PCDHA6: variants seen among roughly 807,000 people sequenced by gnomAD.
PCDHA6 encodes the protein protocadherin alpha 6.
PCDHA6 carries 55 observed loss-of-function variants against 60.3 expected under a neutral mutation model. The ratio of observed to expected loss-of-function variants is 0.91; its 90% CI spans 0.73 to 1.14. The LOEUF (loss-of-function observed/expected upper bound fraction) is 1.14. Ranked by LOEUF, PCDHA6 falls within the 50% of genes most tolerant of loss-of-function variation. The pLI is 0.00. For synonymous variants in PCDHA6, 652 were observed against 557.9 expected, an observed-to-expected ratio of 1.17 and a Z score of -2.38; for missense variants, 1,327 against 1,256.5, an observed-to-expected ratio of 1.06 and a Z score of -0.85.
At chr5:140,884,293 G>A in intron 1 of PCDHA6, 2 of 1,613,666 alleles carry the variant, frequency 1.2e-6, no homozygotes, top group Non-Finnish European at 1.7e-6. Flanking sequence ...GCGGCCAAGC[G>A]CCACAGGCTT....
intron 3 of PCDHA6, among the ~76,000 whole-genome samples, chr5:140,991,361 G>C (rs1183124741): frequency 6.6e-6 from 1 of 152,200 alleles, no homozygotes; most frequent in Non-Finnish European, 1.5e-5. Context: ...ACTATTTACT[G>C]TCTGAGTTCT....
intron 1 of PCDHA6, chr5:140,855,863 C>T (rs1435848910): frequency 2.6e-6 from 2 of 763,574 alleles, no homozygotes; most frequent in East Asian, 2.7e-5. Context: ...ATGTCGCTGT[C>T]GTCCACAAAA....
chr5:140,989,722 A>C (rs1472933877), intron 3 of PCDHA6, among the ~76,000 whole-genome samples: 1 of 152,224 alleles, frequency 6.6e-6, no homozygotes, highest in African/African-American at 2.4e-5. Context: ...TCAGCTTTGC[A>C]GTTGAAAAGG....
intron 1 of PCDHA6, among the ~76,000 whole-genome samples, chr5:140,972,712 G>T (rs1409880262): frequency 6.9e-6 from 1 of 144,630 alleles, no homozygotes; most frequent in East Asian, 2.0e-4. Context: ...TTGCCAGGCT[G>T]GAGTGCAGTG....
chr5:140,974,182 A>G (rs2096618692), intron 1 of PCDHA6, among the ~76,000 whole-genome samples: 1 of 152,248 alleles, frequency 6.6e-6, no homozygotes, highest in Non-Finnish European at 1.5e-5. Context: ...AACTTGACAA[A>G]TGCAAAGGAA....
intron 1 of PCDHA6, among the ~76,000 whole-genome samples, chr5:140,840,971 G>A (rs1237845348): frequency 6.6e-6 from 1 of 152,000 alleles, no homozygotes; most frequent in African/African-American, 2.4e-5. Flanking sequence ...TCCTTATGAA[G>A]AAGAAATCCC....
At chr5:140,958,867 T>C (rs1312043891) in intron 1 of PCDHA6, among the ~76,000 whole-genome samples, 1 of 152,146 alleles carries the variant, frequency 6.6e-6, no homozygotes, top group Non-Finnish European at 1.5e-5. Context: ...ACTGGGTTTA[T>C]AAAAGAATTG....
At chr5:140,833,622 A>T (rs2150209848) in intron 1 of PCDHA6, among the ~76,000 whole-genome samples, 1 of 152,190 alleles carries the variant, frequency 6.6e-6, no homozygotes, top group East Asian at 1.9e-4. Context: ...AATTCAGAAT[A>T]CTTCCTCCTC....
intron 1 of PCDHA6, among the ~76,000 whole-genome samples, chr5:140,933,506 G>A (rs2089196836): frequency 6.6e-6 from 1 of 151,944 alleles, no homozygotes; most frequent in Non-Finnish European, 1.5e-5. Flanking sequence ...GTTAAGCAAA[G>A]ACTACAGCTG....
At position 140,876,392 on chromosome 5, in the gene PCDHA6, A is replaced by C. The variant is rs373053230; in HGVS notation, c.2394+45907A>C. ...ACAGGTGAAATTAGAATTTATGGTG[A>C]ACTGGATTTTGAAGAGAATAATGCC... On this transcript the variant is annotated intron_variant, in intron 1 of 3. Transcript: ENST00000529310. 1.2e-4 allele frequency: 194 copies of C among 1,613,822 alleles called. No individual in the cohort carries two copies. The highest frequency in any genetic ancestry group is 1.6e-4 in the Non-Finnish European group (184 of 1,179,914).
chr5:140,894,790 T>G lies in PCDHA6; in HGVS notation c.2394+64305T>G, dbSNP rs943284227. On this transcript the variant is annotated intron_variant, in intron 1 of 3. Coordinates refer to ENST00000529310, the MANE Select transcript of PCDHA6 (RefSeq NM_018909.4). ...TCCTTTAGTGTAATTATTTGTCCTC[T>G]CCTTTAAAAATAATTTTATATCAGA... Among the ~76,000 whole-genome samples, 13 of 152,282 alleles carry G rather than the reference T, an allele frequency of 8.5e-5. No individual in the cohort carries two copies. The South Asian group carries it at 2.5e-3, about 29-fold the overall frequency.
chr5:140,870,537 G>C (rs575452776), intron 1 of PCDHA6: 1 of 1,614,172 alleles, frequency 6.2e-7, no homozygotes, highest in Non-Finnish European at 8.5e-7. Context: ...CAGTGTCGGC[G>C]CGGGACGCGG....
In PCDHA6 at chr5:140,829,826, G is replaced by C. The variant is rs2150175496; in HGVS notation, c.1735G>C (p.Glu579Gln). 2 of 1,613,796 alleles carry C rather than the reference G, an allele frequency of 1.2e-6. No individual in the cohort carries two copies. Among genetic ancestry groups the C allele is most frequent in the East Asian group, 4.5e-5 (2 of 44,884 alleles). ...GGGTGGTACTGGTGGTGCAGTGAGC[G>C]AGCTGGTGCCGCGGTCACTGGGTGC... ...RVGGTGGAVS[E>Q]LVPRSLGAGQ... Residue 579 changes from glutamate (E) to glutamine (Q), a missense_variant, in exon 1 of 4, where the codon GAG becomes CAG. By Grantham distance (29) the Glu-to-Gln change is conservative. Transcript: ENST00000529310.
Position 140,829,804 on chromosome 5 carries a change from T to A in PCDHA6, c.1713T>A (p.Gly571=), listed in dbSNP as rs2150175080. The change falls in exon 1 of 4, where the codon GGT becomes GGA. Residue 571 remains glycine (G), a synonymous_variant. Coordinates refer to ENST00000529310, the MANE Select transcript of PCDHA6 (RefSeq NM_018909.4). The part of the protein sequence containing the change: ...NAPALLAPRV[G]GTGGAVSELV... ...CGGCGCTGCTGGCGCCTCGGGTGGGTGGTACTGGTGGTGCAGTGAGCGAGC... is the reference window on the plus strand; with the variant it reads ...CGGCGCTGCTGGCGCCTCGGGTGGGAGGTACTGGTGGTGCAGTGAGCGAGC... The A allele has an allele frequency of 1.2e-6, 2 of 1,613,624 alleles. No individual in the cohort carries two copies. The highest frequency in any genetic ancestry group is 2.7e-5 in the African/African-American group (2 of 74,980).
At chr5:140,964,417 C>T (rs1279243450) in intron 1 of PCDHA6, among the ~76,000 whole-genome samples, 15 of 152,088 alleles carry the variant, frequency 9.9e-5, no homozygotes, top group Admixed American at 9.8e-4. Context: ...TGGGGGCTTC[C>T]ATTAAAAAAT....
At chr5:140,942,527 AACTC>A (rs1420689882) in intron 1 of PCDHA6, among the ~76,000 whole-genome samples, 2 of 152,162 alleles carry the variant, frequency 1.3e-5, no homozygotes, top group Non-Finnish European at 2.9e-5. Flanking sequence ...GGAAGCAACT[AACTC>A]AGTATGGTGG....
intron 1 of PCDHA6, among the ~76,000 whole-genome samples, chr5:140,909,031 A>G (rs782567758): frequency 7.9e-5 from 12 of 152,106 alleles, no homozygotes; most frequent in Non-Finnish European, 1.6e-4. Flanking sequence ...TTAGTCATTT[A>G]TTTTCCATAC....
chr5:140,851,794 T>C (rs2042159593), intron 1 of PCDHA6: 2 of 954,372 alleles, frequency 2.1e-6, no homozygotes. Flanking sequence ...ATTCACTTGT[T>C]CTGTCAGTAA....
In PCDHA6 at chr5:140,967,672, C is replaced by G. The variant is rs781956405; in HGVS notation, c.2395-11277C>G. 36 of 1,614,182 alleles carry G rather than the reference C, an allele frequency of 2.2e-5. No individual in the cohort carries two copies. The South Asian group carries it at 3.8e-4, about 17-fold the overall frequency. ...ACTCCTTGAGCAGCTACACGTCGGACCGGGAGAGGCAGCTCTTCAGCATAG... is the reference window on the plus strand; with the variant it reads ...ACTCCTTGAGCAGCTACACGTCGGAGCGGGAGAGGCAGCTCTTCAGCATAG... On this transcript the variant is annotated intron_variant, in intron 1 of 3. Transcript: ENST00000529310.
Sources: gnomAD v4.1 joint callset for allele counts (sites outside exome capture counted in the v4.1 genomes callset) on GRCh38, gnomAD v4.1.1 for gene constraint, MANE v1.5 for transcripts, NCBI Gene and HGNC (gene_info 2026-07-23, HGNC 2026-07-21) for gene names.